Variants in ABCB1 observed in about 807,000 individuals in gnomAD.
The protein encoded by ABCB1 is ATP-dependent translocase ABCB1.
A neutral mutation model predicts 142.0 loss-of-function variants in ABCB1; 69 were observed. The observed-to-expected ratio is 0.49, with a 90% confidence interval of 0.40 to 0.59. ABCB1 has a LOEUF of 0.59. Ranked by LOEUF, ABCB1 falls within the 20% of genes least tolerant of loss-of-function variation. The probability of loss-of-function intolerance (pLI) is 0.00; values close to 1 mark genes in which losing one functional copy is unlikely to be tolerated. For synonymous variants in ABCB1, 532 were observed against 539.2 expected, an observed-to-expected ratio of 0.99 and a Z score of 0.18; for missense variants, 1,326 against 1,554.7, an observed-to-expected ratio of 0.85 and a Z score of 2.47.
chr7:87,647,981 G>A (rs1584995452), intron 1 of ABCB1, among the ~76,000 whole-genome samples: 1 of 151,936 alleles, frequency 6.6e-6, no homozygotes, highest in African/African-American at 2.4e-5. Flanking sequence ...TCAAGAAATC[G>A]AGACCATCCT....
At chr7:87,614,840 T>G (rs1017443674) in intron 1 of ABCB1, among the ~76,000 whole-genome samples, 29 of 150,362 alleles carry the variant, frequency 1.9e-4, no homozygotes, top group African/African-American at 7.1e-4. Context: ...TGTGTAGGTG[T>G]TTTTTTTTGG....
upstream of ABCB1, among the ~76,000 whole-genome samples, chr7:87,605,333 C>T (rs183956130): frequency 2.7e-4 from 41 of 152,214 alleles, no homozygotes; most frequent in Middle Eastern, 3.4e-3. Context: ...GGGGTTTCAC[C>T]ACATTGACTA....
At chr7:87,585,781 G>T in intron 3 of ABCB1, 101 bp from the exon 4 acceptor site, 1 of 1,268,168 alleles carries the variant, frequency 7.9e-7, no homozygotes, top group Non-Finnish European at 1.1e-6. Flanking sequence ...ACATTTTTCA[G>T]ACTACTACTG....
At chr7:87,657,243 G>A (rs185546269) in intron 1 of ABCB1, among the ~76,000 whole-genome samples, 3 of 152,022 alleles carry the variant, frequency 2.0e-5, no homozygotes, top group Non-Finnish European at 2.9e-5. Flanking sequence ...ACTGGGTGTT[G>A]GATAAGCCAG....
chr7:87,626,416 A>G (rs183519185), intron 1 of ABCB1, among the ~76,000 whole-genome samples: 364 of 23,448 alleles, frequency 0.016, 130 homozygotes, highest in African/African-American at 0.018. Context: ...TGTGTCATAT[A>G]TATGTGTCAT....
At chr7:87,546,168 G>T in intron 14 of ABCB1, 144 bp from the exon 15 acceptor site, 1 of 728,902 alleles carries the variant, frequency 1.4e-6, no homozygotes, top group Non-Finnish European at 2.3e-6. Context: ...TTCAATAAAT[G>T]TATAGACAAT....
intron 1 of ABCB1, among the ~76,000 whole-genome samples, chr7:87,659,814 A>G (rs1240953949): frequency 6.6e-6 from 1 of 152,182 alleles, no homozygotes; most frequent in Non-Finnish European, 1.5e-5. Flanking sequence ...TAAAATAGCC[A>G]GAGTTTTTAG....
rs372925504 is a variant in ABCB1 at position 87,529,778 on chromosome 7, AG to A, written c.2685+1515del. Among the ~76,000 whole-genome samples the A allele has an allele frequency of 1.6e-3, 237 of 152,336 alleles. 1 individual carries two copies. Among genetic ancestry groups the A allele is most frequent in the South Asian group, 0.013 (61 of 4,830 alleles). On this transcript the variant is annotated intron_variant, in intron 21 of 27. Transcript: ENST00000622132. ...GATTTTTCCATCTTCTCAGGGGAAG[AG>A]TCAACACCATGGGGGAGACCCCCAA...
rs28381899 is a variant in ABCB1, at chr7:87,549,710, C to G, written c.1554+141G>C. On this transcript the variant is annotated intron_variant, in intron 13 of 27. Transcript: ENST00000622132. The stretch of plus-strand genomic sequence containing the variant: ...CTACGACCAGTTGATACTGCTAGAG[C>G]TTTCAAATCTGAAGTAATCTTACTT... 1.0e-4 allele frequency: 138 copies of G among 1,324,058 alleles called. No individual in the cohort carries two copies. The African/African-American group carries it at 1.9e-3, about 18-fold the overall frequency. The allele number at this position is 1,324,058 out of a possible 1,614,324, so 82.0% of individuals were successfully genotyped here.
intron 1 of ABCB1, among the ~76,000 whole-genome samples, chr7:87,628,081 C>A (rs988837693): frequency 5.9e-5 from 9 of 152,320 alleles, no homozygotes; most frequent in African/African-American, 1.7e-4. Flanking sequence ...CTACGGCAGC[C>A]ACGCAAATAG....
At chr7:87,535,576 T>A (rs10234411) in intron 20 of ABCB1, among the ~76,000 whole-genome samples, 93,007 of 152,016 alleles carry the variant, frequency 0.61, 29,315 homozygotes, top group African/African-American at 0.78. Flanking sequence ...CAACAATTAC[T>A]AAGAGGAGCT....
At chr7:87,693,781 A>G (rs1828230206) in intron 1 of ABCB1, 3 of 765,792 alleles carry the variant, frequency 3.9e-6, no homozygotes, top group Non-Finnish European at 6.3e-6. Flanking sequence ...TTAGTAGGTA[A>G]AAGTAGTGTT....
intron 15 of ABCB1, 128 bp downstream of exon 15, chr7:87,545,735 C>A: frequency 1.0e-6 from 1 of 990,748 alleles, no homozygotes; most frequent in Non-Finnish European, 1.5e-6. Flanking sequence ...TGGTCTCATC[C>A]TGAATCCCCC....
chr7:87,529,830 G>A (rs28401772), intron 21 of ABCB1, among the ~76,000 whole-genome samples: 1 of 152,330 alleles, frequency 6.6e-6, no homozygotes, highest in Non-Finnish European at 1.5e-5. Flanking sequence ...GAAGTCATTG[G>A]CACAGAATGT....
At chr7:87,628,901 C>A in intron 1 of ABCB1, 1 of 1,306,714 alleles carries the variant, frequency 7.7e-7, no homozygotes, top group Non-Finnish European at 9.8e-7. Context: ...GCCTGAGCGC[C>A]CGCAATGCTG....
Position 87,703,914 on chromosome 7 carries a change from G to GTTTTTT in ABCB1, c.-331+9241_-331+9246dup, listed in dbSNP as rs35797972. ...TTTTTTTTTTTTTTTTTTTTTTTTG[G>GTTTTTT]TTTTTTTTTTTTTTTTTTTTTTTTT... On this transcript the variant is annotated intron_variant, in intron 1 of 28. Coordinates refer to the ABCB1 transcript ENST00000265724. Among the ~76,000 whole-genome samples the GTTTTTT allele has an allele frequency of 7.7e-3, 331 of 42,964 alleles. 1 individual carries two copies. Among genetic ancestry groups the GTTTTTT allele is most frequent in the Non-Finnish European group, 8.4e-3 (201 of 23,830 alleles). The allele number at this position is 42,964 out of a possible 152,430, so 28.2% of individuals were successfully genotyped here. A position where few individuals can be genotyped will look rare whatever the true frequency, so the allele number is the denominator to read the frequency against.
chr7:87,509,226 A>G, intron 26 of ABCB1, 49 bp downstream of exon 26: 1 of 1,588,090 alleles, frequency 6.3e-7, no homozygotes. Flanking sequence ...ACTATAGGCC[A>G]GAGAGGCTGC....
intron 1 of ABCB1, among the ~76,000 whole-genome samples, chr7:87,657,945 C>T (rs997299012): frequency 6.6e-6 from 1 of 152,088 alleles, no homozygotes; most frequent in Non-Finnish European, 1.5e-5. Context: ...CTAGTTAAAA[C>T]AGAAGGTTTA....
In ABCB1 at chr7:87,549,851, A is replaced by T. The variant is rs1275791615; in HGVS notation, c.1554T>A (p.His518Gln). ...NAYDFIMKLPHKFDTLVGERG... is the reference protein window; with the variant it reads ...NAYDFIMKLPQKFDTLVGERG... ...AAGGCAAAGGGCAAGGACAACTTAC[A>T]TGAGGCAGTTTCATGATAAAGTCAT... The change falls in exon 13 of 28, where the codon CAT becomes CAA. Residue 518 changes from histidine to glutamine, a missense_variant and splice_region_variant. By Grantham distance (24) the His-to-Gln change is conservative. Coordinates refer to ENST00000622132, the MANE Select transcript of ABCB1 (RefSeq NM_001348946.2). The T allele has an allele frequency of 1.9e-6, 3 of 1,614,172 alleles. No individual in the cohort carries two copies. In the Admixed American group the frequency reaches 5.0e-5, roughly 27 times the overall value.
Sources: gnomAD v4.1 joint callset for allele counts (sites outside exome capture counted in the v4.1 genomes callset) on GRCh38, gnomAD v4.1.1 for gene constraint, MANE v1.5 for transcripts, NCBI Gene and HGNC (gene_info 2026-07-23, HGNC 2026-07-21) for gene names.